Variants in ADGRL3 observed in about 807,000 individuals in gnomAD.
The protein encoded by ADGRL3 is adhesion G protein-coupled receptor L3.
A neutral mutation model predicts 153.5 loss-of-function variants in ADGRL3; 62 were observed. The observed-to-expected ratio is 0.40, with a 90% CI of 0.33 to 0.50. The LOEUF (loss-of-function observed/expected upper bound fraction) is 0.50. Ranked by LOEUF, ADGRL3 falls within the 20% of genes least tolerant of loss-of-function variation. The probability of loss-of-function intolerance (pLI) is 0.47; values close to 1 mark genes in which losing one functional copy is unlikely to be tolerated. For synonymous variants in ADGRL3, 710 were observed against 672.5 expected (o/e 1.06, Z -0.86); for missense variants, 1,641 against 1,859.4 (o/e 0.88, Z 2.16).
chr4:61,341,533 A>G (rs1380599367), intron 1 of ADGRL3, among the ~76,000 whole-genome samples: 1 of 151,370 alleles, frequency 6.6e-6, no homozygotes, highest in Non-Finnish European at 1.5e-5. Context: ...TATTATATAT[A>G]TATACACACA....
At chr4:61,512,335 T>C (rs2098467737) in intron 3 of ADGRL3, among the ~76,000 whole-genome samples, 1 of 152,118 alleles carries the variant, frequency 6.6e-6, no homozygotes, top group Admixed American at 6.6e-5. Context: ...AAAAATAGAC[T>C]CAGAGCTGTG....
At chr4:61,973,062 C>A (rs2099034931) in intron 17 of ADGRL3, among the ~76,000 whole-genome samples, 1 of 151,430 alleles carries the variant, frequency 6.6e-6, no homozygotes, top group African/African-American at 2.4e-5. Flanking sequence ...AGTTTGTATC[C>A]CATCTGGAAA....
At chr4:61,717,288 G>A (rs1184913575) in intron 6 of ADGRL3, among the ~76,000 whole-genome samples, 1 of 151,216 alleles carries the variant, frequency 6.6e-6, no homozygotes, top group Non-Finnish European at 1.5e-5. Flanking sequence ...AAAACATCAT[G>A]CATTTGAATA....
chr4:61,827,386 T>G (rs1343352553), intron 9 of ADGRL3, among the ~76,000 whole-genome samples: 1 of 152,144 alleles, frequency 6.6e-6, no homozygotes, highest in Non-Finnish European at 1.5e-5. Context: ...ACAACTGATG[T>G]GGGGCGAAGT....
intron 2 of ADGRL3, among the ~76,000 whole-genome samples, chr4:61,393,499 G>A (rs1463870293): frequency 2.0e-5 from 3 of 151,838 alleles, no homozygotes; most frequent in Non-Finnish European, 4.4e-5. Context: ...AGTATAATGA[G>A]ATTTTATTGA....
intron 6 of ADGRL3, among the ~76,000 whole-genome samples, chr4:61,698,918 T>G (rs2151270855): frequency 6.6e-6 from 1 of 152,354 alleles, no homozygotes; most frequent in Admixed American, 6.5e-5. Flanking sequence ...TGACTTAAAT[T>G]AGTTTATCTT....
rs543927496 is a variant in ADGRL3, at chr4:61,840,299, C to T, written c.1480+26410C>T. ...TTCACCAGGTTGGCCAGTGTGGTCT[C>T]GAACTCCTGACCTCAAGTGATTCAC... On this transcript the variant is annotated intron_variant, in intron 9 of 26. Coordinates refer to ENST00000683033, the MANE Select transcript of ADGRL3 (RefSeq NM_001387552.1). Among the ~76,000 whole-genome samples, 6 of 152,138 alleles carry T rather than the reference C, an allele frequency of 3.9e-5. No individual in the cohort carries two copies. In the East Asian group the frequency reaches 9.7e-4, roughly 25 times the overall value.
At chr4:61,473,543 A>G (rs1215498885) in intron 2 of ADGRL3, among the ~76,000 whole-genome samples, 1 of 152,036 alleles carries the variant, frequency 6.6e-6, no homozygotes, top group Non-Finnish European at 1.5e-5. Flanking sequence ...TCTAAAAGTT[A>G]TTGTGGCTCA....
chr4:61,803,908 T>G (rs1486904250), intron 8 of ADGRL3, among the ~76,000 whole-genome samples: 1 of 152,136 alleles, frequency 6.6e-6, no homozygotes, highest in African/African-American at 2.4e-5. Context: ...ATTCTTTGAG[T>G]GTAAAACTAA....
intron 15 of ADGRL3, among the ~76,000 whole-genome samples, chr4:61,938,908 C>T (rs1217214021): frequency 6.6e-6 from 1 of 150,576 alleles, no homozygotes; most frequent in Non-Finnish European, 1.5e-5. Context: ...TCCTATCTCC[C>T]CGCCTGACTC....
intron 2 of ADGRL3, among the ~76,000 whole-genome samples, chr4:61,398,006 T>C (rs1331242093): frequency 6.6e-6 from 1 of 151,872 alleles, no homozygotes; most frequent in Non-Finnish European, 1.5e-5. Context: ...CTTCATATTA[T>C]TGTAGATGTC....
At chr4:62,018,815 A>G (rs1440207129) in intron 21 of ADGRL3, among the ~76,000 whole-genome samples, 1 of 152,142 alleles carries the variant, frequency 6.6e-6, no homozygotes, top group African/African-American at 2.4e-5. Flanking sequence ...TGGGGGCAGT[A>G]GGTACGGTAT....
chr4:61,318,702 G>A (rs2095289310), intron 1 of ADGRL3, among the ~76,000 whole-genome samples: 1 of 151,782 alleles, frequency 6.6e-6, no homozygotes, highest in Non-Finnish European at 1.5e-5. Context: ...CAGGGTAATG[G>A]CTCTGCACCA....
At chr4:61,374,446 T>C (rs2096579584) in intron 1 of ADGRL3, among the ~76,000 whole-genome samples, 1 of 152,134 alleles carries the variant, frequency 6.6e-6, no homozygotes, top group Non-Finnish European at 1.5e-5. Context: ...TGTTTTCTGA[T>C]TCAGGCTTGT....
intron 11 of ADGRL3, among the ~76,000 whole-genome samples, chr4:61,907,144 G>A (rs755509204): frequency 1.3e-5 from 2 of 152,132 alleles, no homozygotes; most frequent in Non-Finnish European, 1.5e-5. Flanking sequence ...GGGTGAGTCC[G>A]CAGTGCAAAG....
intron 5 of ADGRL3, among the ~76,000 whole-genome samples, chr4:61,632,818 G>A (rs1028568176): frequency 1.3e-5 from 2 of 152,052 alleles, no homozygotes; most frequent in African/African-American, 4.8e-5. Context: ...TTTAACCTTA[G>A]TTGATCTACC....
rs181559696 is a variant in ADGRL3, at chr4:61,395,000, T to C, written c.-174+11811T>C. Among the ~76,000 whole-genome samples the C allele has an allele frequency of 4.1e-3, 630 of 152,198 alleles. 3 individuals are homozygous for C. Among genetic ancestry groups the C allele is most frequent in the Admixed American group, 9.3e-3 (142 of 15,288 alleles). On this transcript the variant is annotated intron_variant, in intron 2 of 26. Coordinates refer to ENST00000683033, the MANE Select transcript of ADGRL3 (RefSeq NM_001387552.1). ...AGAAACTAAATTTTACACATACTTTTGTTAATTGTGTTCTCAGCCACAAAT... is the reference window on the plus strand; with the variant it reads ...AGAAACTAAATTTTACACATACTTTCGTTAATTGTGTTCTCAGCCACAAAT...
chr4:61,330,559 G>A (rs1047118447), intron 1 of ADGRL3, among the ~76,000 whole-genome samples: 1 of 152,076 alleles, frequency 6.6e-6, no homozygotes, highest in East Asian at 1.9e-4. Context: ...ATCATGTTGT[G>A]TCCTGAGTTG....
intron 4 of ADGRL3, among the ~76,000 whole-genome samples, chr4:61,526,173 C>G (rs1470033711): frequency 3.3e-5 from 5 of 152,088 alleles, no homozygotes; most frequent in Admixed American, 2.0e-4. Flanking sequence ...AATGCTAATC[C>G]ACAGAAAGTT....
Sources: gnomAD v4.1 joint callset for allele counts (sites outside exome capture counted in the v4.1 genomes callset) on GRCh38, gnomAD v4.1.1 for gene constraint, MANE v1.5 for transcripts, NCBI Gene and HGNC (gene_info 2026-07-23, HGNC 2026-07-21) for gene names.